Variants in FAT3 observed in about 807,000 individuals in gnomAD.
FAT3 encodes FAT atypical cadherin 3.
FAT3 carries 95 observed loss-of-function variants against 310.2 expected under a neutral mutation model. The observed-to-expected ratio is 0.31, with a 90% confidence interval of 0.26 to 0.36. FAT3 has a LOEUF of 0.36. FAT3 is among the 10% of genes least tolerant of loss of function. FAT3 has a pLI of 1.00. For synonymous variants in FAT3, 2,314 were observed against 2,192.9 expected (o/e 1.06, Z -1.54); for missense variants, 5,408 against 5,715.6 (o/e 0.95, Z 1.74).
rs989563200 is a variant in FAT3, at chr11:92,760,725, C to T, written c.3670-1131C>T. ...GAATGAGATAATGCATGAAAGAGTG[C>T]GTTATAAACTGTGCCACACTATCGA... is the stretch of plus-strand genomic sequence containing the variant. On this transcript the variant is annotated intron_variant, in intron 4 of 27. Coordinates refer to ENST00000525166, the MANE Select transcript of FAT3 (RefSeq NM_001367949.2). Among the ~76,000 whole-genome samples, 4 of 152,026 alleles carry T rather than the reference C, an allele frequency of 2.6e-5. No individual in the cohort carries two copies. The East Asian group carries it at 5.8e-4, about 22-fold the overall frequency.
intron 22 of FAT3, among the ~76,000 whole-genome samples, chr11:92,874,900 A>G (rs1428081347): frequency 6.6e-6 from 1 of 152,166 alleles, no homozygotes; most frequent in African/African-American, 2.4e-5. Flanking sequence ...TGAGATGTTA[A>G]TGAGACCTCT....
chr11:92,780,193 A>C (rs1946710042), intron 7 of FAT3, among the ~76,000 whole-genome samples: 1 of 136,758 alleles, frequency 7.3e-6, no homozygotes, highest in Non-Finnish European at 1.5e-5. Flanking sequence ...ACAGGGTCTC[A>C]CTCTGTCACC....
intron 1 of FAT3, among the ~76,000 whole-genome samples, chr11:92,345,812 G>A (rs552773793): frequency 6.6e-6 from 1 of 152,156 alleles, no homozygotes; most frequent in Non-Finnish European, 1.5e-5. Flanking sequence ...TAGGCAAGCT[G>A]TGTGACCTTG....
In FAT3 at chr11:92,355,354, C is replaced by T; in HGVS notation, c.3242C>T (p.Ser1081Phe). 1 of 1,613,732 alleles carries T rather than the reference C, an allele frequency of 6.2e-7. No homozygotes were observed. Among genetic ancestry groups the T allele is most frequent in the African/African-American group, 1.3e-5 (1 of 75,002 alleles). ...DSGRDGEIQY[S>F]IRDGSGLGRF... is the part of the protein sequence containing the mutation. ...GGAAGGGATGGAGAGATCCAGTACT[C>T]CATCAGGGATGGCAGTGGTCTTGGA... Residue 1081 changes from serine to phenylalanine, a missense_variant, in exon 2 of 28, where the codon TCC becomes TTC. Around this residue, in one of 5 missense-constraint regions of FAT3, gnomAD observed 4,588 missense variants for 4,809.8 expected, o/e 0.95. Transcript: ENST00000525166.
At chr11:92,837,242 A>G (rs558011971) in intron 16 of FAT3, among the ~76,000 whole-genome samples, 94 of 152,342 alleles carry the variant, frequency 6.2e-4, no homozygotes, top group African/African-American at 2.1e-3. Context: ...TGGGTGATAC[A>G]TGCTCATAAC....
intron 3 of FAT3, among the ~76,000 whole-genome samples, chr11:92,657,258 A>T (rs1269990143): frequency 2.0e-5 from 3 of 152,180 alleles, no homozygotes; most frequent in African/African-American, 4.8e-5. Flanking sequence ...ATATATCTCC[A>T]GTAGTACATC....
chr11:92,490,420 G>A (rs1006426526), intron 2 of FAT3, among the ~76,000 whole-genome samples: 5 of 152,124 alleles, frequency 3.3e-5, no homozygotes, highest in African/African-American at 9.7e-5. Context: ...AACCTGGGTA[G>A]ATTCTTGAGT....
intron 3 of FAT3, among the ~76,000 whole-genome samples, chr11:92,638,995 T>C (rs939282378): frequency 6.6e-6 from 1 of 152,200 alleles, no homozygotes. Context: ...ATCAGCCCAT[T>C]TTATTCTCCC....
chr11:92,533,378 G>C (rs1166480592), intron 3 of FAT3, among the ~76,000 whole-genome samples: 2 of 152,022 alleles, frequency 1.3e-5, no homozygotes, highest in East Asian at 3.9e-4. Flanking sequence ...TTGAAGCCTT[G>C]GGCTAAGTGC....
chr11:92,282,877 C>T (rs1946466878), intron 1 of FAT3, among the ~76,000 whole-genome samples: 1 of 152,008 alleles, frequency 6.6e-6, no homozygotes, highest in African/African-American at 2.4e-5. Context: ...TCACTTGGGC[C>T]TTCCCTGACC....
chr11:92,529,616 G>A (rs2135379230), intron 3 of FAT3, among the ~76,000 whole-genome samples: 1 of 152,086 alleles, frequency 6.6e-6, no homozygotes, highest in South Asian at 2.1e-4. Context: ...ATTTTAAAGG[G>A]AAAAACACAT....
chr11:92,524,745 A>T lies in FAT3; in HGVS notation c.3404A>T (p.Tyr1135Phe), dbSNP rs1331532592. 1 of 1,613,862 alleles carries T rather than the reference A, an allele frequency of 6.2e-7. No individual in the cohort carries two copies. The highest frequency in any genetic ancestry group is 1.7e-5 in the Admixed American group (1 of 59,980). ...CCACTCTACTCCACCATTGAGGTCT[A>T]CATTGAAGTTGAAGATGTGAATGAC... is the stretch of plus-strand genomic sequence containing the variant. ...VVPLYSTIEV[Y>F]IEVEDVNDNA... The change falls in exon 3 of 28, where the codon TAC (tyrosine) becomes TTC (phenylalanine). Residue 1135 changes from tyrosine (Y) to phenylalanine (F), a missense_variant. Physicochemically the swap from Tyr to Phe is conservative, Grantham distance 22 (BLOSUM62 3). Transcript: ENST00000525166.
intron 2 of FAT3, among the ~76,000 whole-genome samples, chr11:92,506,487 A>G (rs1398783218): frequency 2.0e-5 from 3 of 152,222 alleles, no homozygotes; most frequent in Admixed American, 1.3e-4. Flanking sequence ...TACATACAAT[A>G]TAACTATAAC....
chr11:92,803,461 G>C (rs1393931778), intron 10 of FAT3, among the ~76,000 whole-genome samples: 1 of 152,230 alleles, frequency 6.6e-6, no homozygotes, highest in Non-Finnish European at 1.5e-5. Context: ...ATTTAATAGA[G>C]AGGTTAAGTT....
At chr11:92,431,655 T>C (rs1415391569) in intron 2 of FAT3, among the ~76,000 whole-genome samples, 1 of 152,210 alleles carries the variant, frequency 6.6e-6, no homozygotes, top group Admixed American at 6.5e-5. Context: ...GTCTAACATG[T>C]AAGTCTTTAA....
At chr11:92,724,709 T>C (rs1442919797) in intron 4 of FAT3, among the ~76,000 whole-genome samples, 1 of 152,194 alleles carries the variant, frequency 6.6e-6, no homozygotes, top group Non-Finnish European at 1.5e-5. Context: ...TTACCCCCAC[T>C]AGAAGTGGGC....
intron 4 of FAT3, among the ~76,000 whole-genome samples, chr11:92,729,776 T>C (rs1945118916): frequency 6.6e-6 from 1 of 152,018 alleles, no homozygotes; most frequent in Non-Finnish European, 1.5e-5. Context: ...TGGTAGTTAG[T>C]GAATGGAAGG....
chr11:92,729,842 AT>A (rs1289060589), intron 4 of FAT3, among the ~76,000 whole-genome samples: 1 of 152,156 alleles, frequency 6.6e-6, no homozygotes, highest in Non-Finnish European at 1.5e-5. Context: ...TAAAAAAAAC[AT>A]TTTTAAACAT....
Position 92,798,764 on chromosome 11 carries a change from A to G in FAT3, c.5751A>G (p.Glu1917=). The G allele has an allele frequency of 6.2e-7, 1 of 1,613,854 alleles. No homozygotes were observed. The highest frequency in any genetic ancestry group is 8.5e-7 in the Non-Finnish European group (1 of 1,179,844). Residue 1917 remains glutamate, a synonymous_variant, in exon 10 of 28, where the codon GAA becomes GAG. Coordinates refer to ENST00000525166, the MANE Select transcript of FAT3 (RefSeq NM_001367949.2). The stretch of plus-strand genomic sequence containing the variant: ...ATCCTGACTCTGAGGTACCCCCTGA[A>G]CTGACATACAGCCTAATGGAAGGCA... ...ATDPDSEVPP[E]LTYSLMEGSL... is the part of the protein sequence containing the mutation.
Sources: gnomAD v4.1 joint callset for allele counts (sites outside exome capture counted in the v4.1 genomes callset) on GRCh38, gnomAD v4.1.1 for gene constraint, gnomAD v4.1.1 regional missense constraint, MANE v1.5 for transcripts, NCBI Gene and HGNC (gene_info 2026-07-23, HGNC 2026-07-21) for gene names.